The following MCPH1 variants were observed in gnomAD, a reference collection of about 807,000 sequenced individuals.
The protein encoded by MCPH1 is microcephalin.
Under a neutral mutation model 84.5 loss-of-function variants are expected in MCPH1, and 104 were observed. That is an observed-to-expected ratio of 1.23 (90% CI 1.05 to 1.45). The LOEUF (loss-of-function observed/expected upper bound fraction) is 1.45, where lower values mean the gene tolerates loss of function less well. MCPH1 is among the 40% of genes most tolerant of loss of function. The pLI is 0.00. For missense variants in MCPH1, 1,498 were observed against 1,005.7 expected (o/e 1.49, Z -6.62); for synonymous variants, 514 against 366.8 (o/e 1.40, Z -4.58).
intron 12 of MCPH1, among the ~76,000 whole-genome samples, chr8:6,591,402 C>T (rs554794166): frequency 3.3e-5 from 5 of 152,156 alleles, no homozygotes; most frequent in African/African-American, 1.2e-4. Context: ...GAGTGATAAG[C>T]CCTGGTAACG....
intron 12 of MCPH1, among the ~76,000 whole-genome samples, chr8:6,559,965 C>A (rs1050028399): frequency 6.6e-6 from 1 of 152,164 alleles, no homozygotes; most frequent in African/African-American, 2.4e-5. Flanking sequence ...CTTCCTTTGC[C>A]GGACAGATTA....
At chr8:6,539,374 G>A (rs532521028) in intron 12 of MCPH1, among the ~76,000 whole-genome samples, 168 of 152,264 alleles carry the variant, frequency 1.1e-3, no homozygotes, top group African/African-American at 4.0e-3. Flanking sequence ...TTCAGTGTAA[G>A]GCCCTAGAAG....
intron 13 of MCPH1, among the ~76,000 whole-genome samples, chr8:6,631,716 G>T (rs1002614976): frequency 1.3e-5 from 2 of 151,392 alleles, no homozygotes; most frequent in African/African-American, 4.8e-5. Flanking sequence ...TTGGAACCTT[G>T]TGTCTGCCTC....
rs533232093 is a variant in MCPH1, at chr8:6,415,836, A to G, written c.233+953A>G. 8.5e-5 allele frequency among the ~76,000 whole-genome samples: 13 copies of G among 152,242 alleles called. No individual in the cohort carries two copies. The East Asian group carries it at 9.7e-4, about 11-fold the overall frequency. On this transcript the variant is annotated intron_variant, in intron 3 of 13. Transcript: ENST00000344683. ...TATGAATTTTATGATCAGTGTGTCA[A>G]TTTATTCAAAAACAAAAAAGGCAGC... is the stretch of plus-strand genomic sequence containing the variant.
intron 12 of MCPH1, among the ~76,000 whole-genome samples, chr8:6,591,060 G>A (rs1472875566): frequency 2.6e-5 from 4 of 152,180 alleles, no homozygotes; most frequent in Admixed American, 6.5e-5. Flanking sequence ...CACCACACCC[G>A]GTTAATTGTG....
intron 7 of MCPH1, among the ~76,000 whole-genome samples, chr8:6,442,381 T>C (rs1377511640): frequency 2.0e-5 from 3 of 152,212 alleles, no homozygotes; most frequent in Non-Finnish European, 4.4e-5. Flanking sequence ...GCTTTCTTGC[T>C]ACAGAATCCA....
intron 2 of MCPH1, among the ~76,000 whole-genome samples, chr8:6,411,130 A>C (rs532532361): frequency 4.6e-5 from 7 of 152,168 alleles, no homozygotes; most frequent in African/African-American, 1.4e-4. Flanking sequence ...TCCGATGGTG[A>C]AGATTTTGGC....
Position 6,561,837 on chromosome 8 carries a change from G to A in MCPH1, c.2215-59617G>A, listed in dbSNP as rs188347701. Reference sequence around the variant, plus strand: ...GCTTTCAATATCCTATTTTGGTTACGTCTCCATAAAAACTCTAGGAAACAG... The same window carrying A: ...GCTTTCAATATCCTATTTTGGTTACATCTCCATAAAAACTCTAGGAAACAG... On this transcript the variant is annotated intron_variant, in intron 12 of 13. Transcript: ENST00000344683. Among the ~76,000 whole-genome samples, 81 of 152,136 alleles carry A rather than the reference G, an allele frequency of 5.3e-4. 1 individual carries two copies. In the South Asian group the frequency reaches 0.015, roughly 28 times the overall value.
At chr8:6,410,741 C>T (rs1441823534) in intron 2 of MCPH1, among the ~76,000 whole-genome samples, 2 of 152,090 alleles carry the variant, frequency 1.3e-5, no homozygotes, top group Admixed American at 1.3e-4. Context: ...GGATATTTAT[C>T]AGTTAGGGAA....
intron 11 of MCPH1, among the ~76,000 whole-genome samples, chr8:6,489,422 A>T (rs146966625): frequency 5.7e-4 from 87 of 152,274 alleles, no homozygotes; most frequent in Non-Finnish European, 1.0e-3. Context: ...AAGGATGCTC[A>T]GCTGTGCTGA....
At position 6,475,249 on chromosome 8, in the gene MCPH1, A is replaced by T. The variant is rs116936397; in HGVS notation, c.1936-2345A>T. Among the ~76,000 whole-genome samples the T allele has an allele frequency of 1.5e-3, 236 of 152,324 alleles. 4 individuals are homozygous for T. In the East Asian group the frequency reaches 0.036, roughly 23 times the overall value. The stretch of plus-strand genomic sequence containing the variant: ...GCTAATGACCCTGCCCTAACAGCAA[A>T]TGCTGGGGAGCAGGGTGCAAGTGTT... On this transcript the variant is annotated intron_variant, in intron 9 of 13. Coordinates refer to ENST00000344683, the MANE Select transcript of MCPH1 (RefSeq NM_024596.5).
chr8:6,454,062 A>T (rs1805406263), intron 8 of MCPH1, among the ~76,000 whole-genome samples: 1 of 152,028 alleles, frequency 6.6e-6, no homozygotes, highest in African/African-American at 2.4e-5. Flanking sequence ...TTTACCTTAG[A>T]CTCTCCAAAC....
chr8:6,514,820 A>T, intron 12 of MCPH1: 2 of 1,506,944 alleles, frequency 1.3e-6, no homozygotes, highest in Non-Finnish European at 9.1e-7. Context: ...GAGCCCCCCC[A>T]CTCCCCCCTT....
chr8:6,636,639 G>A (rs900701415), intron 13 of MCPH1, among the ~76,000 whole-genome samples: 8 of 152,092 alleles, frequency 5.3e-5, no homozygotes, highest in African/African-American at 1.9e-4. Context: ...TGTCGCACCT[G>A]GCAATCACAC....
At chr8:6,588,683 C>T (rs1204938982) in intron 12 of MCPH1, among the ~76,000 whole-genome samples, 1 of 152,266 alleles carries the variant, frequency 6.6e-6, no homozygotes, top group Non-Finnish European at 1.5e-5. Flanking sequence ...CCTGCAGGTA[C>T]AAAGTCAATA....
intron 12 of MCPH1, among the ~76,000 whole-genome samples, chr8:6,546,180 A>G (rs1259558081): frequency 5.3e-5 from 8 of 152,268 alleles, no homozygotes; most frequent in East Asian, 1.9e-4. Context: ...AGTTAGCACA[A>G]TTCCCAAACT....
intron 11 of MCPH1, among the ~76,000 whole-genome samples, chr8:6,484,195 C>G (rs1809577537): frequency 6.6e-6 from 1 of 152,092 alleles, no homozygotes; most frequent in South Asian, 2.1e-4. Context: ...ATAAAGAACT[C>G]TTAATACTGA....
chr8:6,431,954 A>G (rs1044274744), intron 4 of MCPH1, among the ~76,000 whole-genome samples: 3 of 152,248 alleles, frequency 2.0e-5, no homozygotes, highest in Admixed American at 6.5e-5. Context: ...CGATGGACCT[A>G]CATCCAAGTG....
intron 13 of MCPH1, among the ~76,000 whole-genome samples, chr8:6,632,571 A>G (rs1797240745): frequency 6.6e-6 from 1 of 152,194 alleles, no homozygotes; most frequent in African/African-American, 2.4e-5. Flanking sequence ...ACACTTTGGA[A>G]GGCCGAGGGG....
Sources: allele counts gnomAD v4.1 joint callset (sites outside exome capture counted in the v4.1 genomes callset), GRCh38; gene constraint gnomAD v4.1.1; transcripts MANE v1.5; gene names NCBI Gene and HGNC (gene_info 2026-07-23, HGNC 2026-07-21).